The following DCDC1 variants were observed in gnomAD, a reference collection of about 807,000 sequenced individuals.
The protein encoded by DCDC1 is doublecortin domain-containing protein 1.
Under a neutral mutation model 178.3 loss-of-function variants are expected in DCDC1, and 200 were observed. The observed-to-expected ratio is 1.12, with a 90% CI of 1.00 to 1.26. DCDC1 has a LOEUF of 1.26. DCDC1 is among the 50% of genes most tolerant of loss of function. The pLI, the probability that DCDC1 is intolerant of heterozygous loss-of-function variation, is 0.00. For synonymous variants in DCDC1, 690 were observed against 604.8 expected, an observed-to-expected ratio of 1.14 and a Z score of -2.07; for missense variants, 1,983 against 1,749.2, an observed-to-expected ratio of 1.13 and a Z score of -2.38.
intron 20 of DCDC1, among the ~76,000 whole-genome samples, chr11:30,984,861 A>G (rs1388293191): frequency 6.6e-6 from 1 of 152,196 alleles, no homozygotes; most frequent in Non-Finnish European, 1.5e-5. Context: ...CAACGGGAGA[A>G]GAGACTGGAG....
intron 6 of DCDC1, among the ~76,000 whole-genome samples, chr11:31,297,100 A>T (rs1591679657): frequency 6.6e-6 from 1 of 152,204 alleles, no homozygotes; most frequent in Non-Finnish European, 1.5e-5. Flanking sequence ...GCATTATTAC[A>T]TCCAGAGGCA....
intron 20 of DCDC1, among the ~76,000 whole-genome samples, chr11:30,982,001 C>A (rs940164423): frequency 6.6e-6 from 1 of 152,102 alleles, no homozygotes; most frequent in East Asian, 1.9e-4. Context: ...ATTGCTTATG[C>A]CTATTTTTAT....
intron 32 of DCDC1, among the ~76,000 whole-genome samples, chr11:30,901,072 C>T (rs934711725): frequency 1.3e-5 from 2 of 152,040 alleles, no homozygotes; most frequent in African/African-American, 4.8e-5. Context: ...CTCTGAGCTT[C>T]CTAATGGCGA....
intron 11 of DCDC1, among the ~76,000 whole-genome samples, chr11:31,116,057 C>G (rs990715097): frequency 2.0e-5 from 3 of 147,256 alleles, no homozygotes; most frequent in Non-Finnish European, 4.5e-5. Flanking sequence ...TCCACACACA[C>G]ATGATAGGTC....
At chr11:31,122,582 C>T (rs1432974533) in intron 11 of DCDC1, among the ~76,000 whole-genome samples, 2 of 152,012 alleles carry the variant, frequency 1.3e-5, no homozygotes, top group Non-Finnish European at 2.9e-5. Flanking sequence ...TTCTACATAG[C>T]CAACTCACTC....
intron 11 of DCDC1, among the ~76,000 whole-genome samples, chr11:31,112,437 C>T (rs1354560978): frequency 1.3e-5 from 2 of 152,078 alleles, no homozygotes; most frequent in African/African-American, 2.4e-5. Context: ...TTTCTTCCTG[C>T]CCAATTCTTG....
At chr11:30,903,455 A>G (rs753377566) in intron 32 of DCDC1, 27 bp downstream of exon 32, 10 of 1,529,248 alleles carry the variant, frequency 6.5e-6, no homozygotes, top group African/African-American at 2.7e-5. Context: ...AAGTAGAATC[A>G]GCTAAATGCT....
intron 8 of DCDC1, among the ~76,000 whole-genome samples, chr11:31,250,845 C>T (rs1378055766): frequency 1.3e-5 from 2 of 151,942 alleles, no homozygotes; most frequent in East Asian, 3.9e-4. Flanking sequence ...ACCACCACCT[C>T]CTGGGTTCAA....
At chr11:31,272,237 C>T (rs1591603304) in intron 7 of DCDC1, among the ~76,000 whole-genome samples, 1 of 151,906 alleles carries the variant, frequency 6.6e-6, no homozygotes, top group South Asian at 2.1e-4. Flanking sequence ...AGACCTGCCA[C>T]CATGACTCAA....
chr11:31,108,456 ATTTTT>A (rs1464692077), intron 12 of DCDC1, among the ~76,000 whole-genome samples: 1 of 152,234 alleles, frequency 6.6e-6, no homozygotes, highest in East Asian at 1.9e-4. Context: ...TCTTGAGCTT[ATTTTT>A]GTTGCTTTGC....
At chr11:30,978,826 A>C (rs1279423991) in intron 20 of DCDC1, among the ~76,000 whole-genome samples, 13 of 122,430 alleles carry the variant, frequency 1.1e-4, no homozygotes, top group East Asian at 4.6e-4. Flanking sequence ...ACACACACAC[A>C]CCCCCTTCTC....
At chr11:31,186,410 T>C (rs546131712) in intron 9 of DCDC1, among the ~76,000 whole-genome samples, 1 of 152,310 alleles carries the variant, frequency 6.6e-6, no homozygotes, top group South Asian at 2.1e-4. Context: ...ACTCACCCAC[T>C]GTATAACTTA....
At chr11:30,995,849 GGCC>G (rs2134975802) in intron 20 of DCDC1, among the ~76,000 whole-genome samples, 2 of 152,100 alleles carry the variant, frequency 1.3e-5, no homozygotes, top group East Asian at 3.9e-4. Flanking sequence ...ATAGGAGTTT[GGCC>G]ATGAGATTTT....
chr11:30,888,106 G>GAAAGAAAGAAAGAA (rs1190034180), intron 36 of DCDC1, among the ~76,000 whole-genome samples: 9 of 84,904 alleles, frequency 1.1e-4, no homozygotes, highest in East Asian at 3.3e-4. Flanking sequence ...GAAAAAGAAA[G>GAAAGAAAGAAAGAA]AAAGAAAGAA....
rs550628396 is a variant in DCDC1, at chr11:31,283,348, C to T, written c.960+7299G>A. 1.2e-4 allele frequency among the ~76,000 whole-genome samples: 17 copies of T among 147,296 alleles called. No individual in the cohort carries two copies. The East Asian group carries it at 3.2e-3, about 28-fold the overall frequency. On this transcript the variant is annotated intron_variant, in intron 7 of 38. Transcript: ENST00000684477. ...GGATCTTTTCTTCTCTAATATCTAA[C>T]CTGCTGTTAAACCCAGGTTTTTTTT...
intron 21 of DCDC1, chr11:30,944,259 C>T (rs1162344533): frequency 2.2e-6 from 1 of 453,262 alleles, no homozygotes; most frequent in African/African-American, 2.0e-5. Context: ...TCCTTGTTGA[C>T]TCATAGCTTA....
chr11:30,893,269 T>C (rs1943937048), intron 35 of DCDC1, among the ~76,000 whole-genome samples: 1 of 152,208 alleles, frequency 6.6e-6, no homozygotes, highest in African/African-American at 2.4e-5. Flanking sequence ...ATTTATAATG[T>C]GAAGAAATGC....
intron 18 of DCDC1, among the ~76,000 whole-genome samples, chr11:31,073,919 T>C (rs1956714176): frequency 6.6e-6 from 1 of 152,140 alleles, no homozygotes; most frequent in African/African-American, 2.4e-5. Flanking sequence ...AAACTCTAAA[T>C]TTCTAAAATG....
chr11:31,168,421 G>A (rs1256632748), intron 9 of DCDC1, among the ~76,000 whole-genome samples: 2 of 152,154 alleles, frequency 1.3e-5, no homozygotes, highest in Non-Finnish European at 1.5e-5. Flanking sequence ...TATATTTTCT[G>A]TGGCCAAGTA....
Sources: allele counts gnomAD v4.1 joint callset (sites outside exome capture counted in the v4.1 genomes callset), GRCh38; gene constraint gnomAD v4.1.1; transcripts MANE v1.5; gene names NCBI Gene and HGNC (gene_info 2026-07-23, HGNC 2026-07-21).